The following EHD3 variants were observed in gnomAD, a reference collection of about 807,000 sequenced individuals.
The protein encoded by EHD3 is EH domain containing 3.
In EHD3, 17 loss-of-function variants were observed where a neutral mutation model predicts 43.0. The ratio of observed to expected loss-of-function variants is 0.40; its 90% CI spans 0.27 to 0.59. EHD3 has a LOEUF of 0.59. Among genes scored for constraint, EHD3 ranks in the 20% least tolerant of loss-of-function variants. EHD3 has a pLI of 0.49. For missense variants in EHD3, 594 were observed against 705.6 expected, an observed-to-expected ratio of 0.84 and a Z score of 1.79; for synonymous variants, 313 against 289.5, an observed-to-expected ratio of 1.08 and a Z score of -0.82.
rs373883257 is a variant in EHD3 at position 31,266,367 on chromosome 2, A to G, written c.1271A>G (p.His424Arg). The change falls in exon 6 of 6, where the codon CAT (histidine) becomes CGT (arginine). Residue 424 changes from histidine (H) to arginine (R), a missense_variant. Transcript: ENST00000322054. The surrounding 1 kb of genome is among the most constrained non-coding windows in gnomAD (Gnocchi z 5.1). ...FEGTLHGPFGHGYGEGAGEGI... is the reference protein window; with the variant it reads ...FEGTLHGPFGRGYGEGAGEGI... ...GGCACCCTGCACGGCCCCTTTGGGC[A>G]TGGCTATGGGGAGGGGGCTGGAGAA... 6.2e-7 allele frequency: 1 copy of G among 1,614,104 alleles called. No homozygotes were observed. The highest frequency in any genetic ancestry group is 1.1e-5 in the South Asian group (1 of 91,082).
intron 3 of EHD3, among the ~76,000 whole-genome samples, chr2:31,253,687 T>A (rs1276484696): frequency 6.6e-6 from 1 of 151,876 alleles, no homozygotes; most frequent in African/African-American, 2.4e-5. Context: ...CGGCAAAGGG[T>A]CGTCCTTGCT....
At chr2:31,252,337 A>G (rs375447202) in intron 3 of EHD3, among the ~76,000 whole-genome samples, 1 of 152,336 alleles carries the variant, frequency 6.6e-6, no homozygotes, top group South Asian at 2.1e-4. Flanking sequence ...ATCTGTGTGA[A>G]TAGTTTCCCT....
chr2:31,249,586 T>A (rs1159691263), intron 3 of EHD3, 118 bp downstream of exon 3: 2 of 877,610 alleles, frequency 2.3e-6, no homozygotes, highest in Admixed American at 4.4e-5. Flanking sequence ...AGCCGGCACT[T>A]CTCCTGTGCT....
rs1683285924 is a variant in EHD3, at chr2:31,234,542, C to T, written c.-80C>T. 2.0e-6 allele frequency: 3 copies of T among 1,508,800 alleles called. No individual in the cohort carries two copies. In the Admixed American group the frequency reaches 5.3e-5, roughly 27 times the overall value. The allele number at this position is 1,508,800 out of a possible 1,614,324, so 93.5% of individuals were successfully genotyped here. A position where few individuals can be genotyped will look rare whatever the true frequency, so the allele number is the denominator to read the frequency against. On this transcript the variant is annotated 5_prime_UTR_variant, in exon 1 of 6. Coordinates refer to ENST00000322054, the MANE Select transcript of EHD3 (RefSeq NM_014600.3). The stretch of plus-strand genomic sequence containing the variant: ...GGCGGCGGCGCGGCTCGGAGCCCGG[C>T]GGACCGGTCCTACGGGACATCTTCC...
intron 1 of EHD3, among the ~76,000 whole-genome samples, chr2:31,243,875 C>T (rs534432616): frequency 5.3e-5 from 8 of 152,270 alleles, no homozygotes; most frequent in African/African-American, 1.9e-4. Flanking sequence ...GCAGAGTCTA[C>T]GGAAGGTTTA....
At chr2:31,249,743 T>C (rs951977914) in intron 3 of EHD3, among the ~76,000 whole-genome samples, 6 of 152,122 alleles carry the variant, frequency 3.9e-5, no homozygotes, top group Non-Finnish European at 2.9e-5. Context: ...TCTTACCTCG[T>C]TGGGTTTATT....
chr2:31,257,759 G>A (rs1216055576), intron 3 of EHD3, among the ~76,000 whole-genome samples: 2 of 152,182 alleles, frequency 1.3e-5, no homozygotes, highest in African/African-American at 2.4e-5. Flanking sequence ...GAACATCTCC[G>A]AGGGAGGGTT....
At chr2:31,243,922 T>G (rs945545758) in intron 1 of EHD3, among the ~76,000 whole-genome samples, 4 of 152,178 alleles carry the variant, frequency 2.6e-5, no homozygotes, top group African/African-American at 7.2e-5. Flanking sequence ...CTTCAGCAGG[T>G]TACCTTCAGT....
At chr2:31,239,863 A>C (rs1683386471) in intron 1 of EHD3, among the ~76,000 whole-genome samples, 1 of 151,594 alleles carries the variant, frequency 6.6e-6, no homozygotes, top group Non-Finnish European at 1.5e-5. Flanking sequence ...CAGGAGACTT[A>C]GAGGCAGGCT....
rs1310045883 is a variant in EHD3, at chr2:31,243,448, C to CTTTT, written c.228-823_228-822insTTTT. On this transcript the variant is annotated intron_variant, in intron 1 of 5. Transcript: ENST00000322054. ...TCTTTCTTTCTTTCTTTCTTTCTTTCTTTCTTTCTTTCTTTTTTTTTTTTT... is the reference window on the plus strand; with the variant it reads ...TCTTTCTTTCTTTCTTTCTTTCTTTCTTTTTTTCTTTCTTTCTTTTTTTTTTTTT... Among the ~76,000 whole-genome samples the CTTTT allele has an allele frequency of 4.8e-4, 32 of 67,006 alleles. 5 individuals are homozygous for CTTTT. The highest frequency in any genetic ancestry group is 3.2e-3 in the South Asian group (4 of 1,248). The allele number at this position is 67,006 out of a possible 152,430, so 44.0% of individuals were successfully genotyped here.
At position 31,266,226 on chromosome 2, in the gene EHD3, A is replaced by G; in HGVS notation, c.1130A>G (p.Lys377Arg). The change falls in exon 6 of 6, where the codon AAG (lysine) becomes AGG (arginine). Residue 377 changes from lysine to arginine, a missense_variant. Around this residue, in one of 3 missense-constraint regions of EHD3, gnomAD observed 322 missense variants for 348.0 expected, o/e 0.93. Coordinates refer to ENST00000322054, the MANE Select transcript of EHD3 (RefSeq NM_014600.3). The surrounding 1 kb of genome is among the most constrained non-coding windows in gnomAD (Gnocchi z 5.1). ...DFSKFQPLKS[K>R]LLEVVDDMLA... ...AGCAAGTTCCAGCCGCTGAAGAGCA[A>G]GCTGCTGGAGGTAGTGGACGACATG... The G allele has an allele frequency of 6.2e-7, 1 of 1,613,802 alleles. No homozygotes were observed. The highest frequency in any genetic ancestry group is 8.5e-7 in the Non-Finnish European group (1 of 1,179,734).
chr2:31,245,938 T>C (rs184880904), intron 2 of EHD3, among the ~76,000 whole-genome samples: 5 of 152,056 alleles, frequency 3.3e-5, no homozygotes, highest in Admixed American at 1.3e-4. Context: ...TGTAGTGGCA[T>C]GGAGTCAATA....
rs1340030373 is a variant in EHD3, at chr2:31,260,632, A to G, written c.625A>G (p.Asn209Asp). The G allele has an allele frequency of 8.7e-6, 14 of 1,614,218 alleles. No homozygotes were observed. Among genetic ancestry groups the G allele is most frequent in the Non-Finnish European group, 1.2e-5 (14 of 1,180,044 alleles). ...CTCAGAAGTCATCAAAGCCCTCAAGAACCACGAGGACAAGATGCGAGTGGT... is the reference window on the plus strand; with the variant it reads ...CTCAGAAGTCATCAAAGCCCTCAAGGACCACGAGGACAAGATGCGAGTGGT... Reference protein sequence around the residue: ...EFSEVIKALKNHEDKMRVVLN... With the variant: ...EFSEVIKALKDHEDKMRVVLN... The change falls in exon 4 of 6, where the codon AAC becomes GAC. Residue 209 changes from asparagine (N) to aspartate (D), a missense_variant. Asn to Asp is a conservative substitution (Grantham distance 23). Around this residue, in one of 3 missense-constraint regions of EHD3, gnomAD observed 243 missense variants for 296.7 expected, o/e 0.82. Coordinates refer to ENST00000322054, the MANE Select transcript of EHD3 (RefSeq NM_014600.3). This position sits in a 1 kb window ranked among gnomAD's most constrained non-coding sequence, Gnocchi z 4.6.
intron 5 of EHD3, among the ~76,000 whole-genome samples, chr2:31,264,155 C>T (rs367894755): frequency 6.6e-6 from 1 of 152,174 alleles, no homozygotes; most frequent in Admixed American, 6.5e-5. Flanking sequence ...GTAGGGCCTA[C>T]CACACACCTG....
chr2:31,250,729 T>C (rs1301187130), intron 3 of EHD3, among the ~76,000 whole-genome samples: 2 of 151,856 alleles, frequency 1.3e-5, no homozygotes, highest in African/African-American at 2.4e-5. Context: ...GGCAAGAAAA[T>C]CAGATGACGC....
intron 2 of EHD3, among the ~76,000 whole-genome samples, chr2:31,244,918 T>C (rs571237296): frequency 2.0e-5 from 3 of 152,316 alleles, no homozygotes; most frequent in Admixed American, 1.3e-4. Context: ...TTCTACTAAA[T>C]TGAATGACCT....
At chr2:31,253,620 G>A (rs1362647015) in intron 3 of EHD3, among the ~76,000 whole-genome samples, 1 of 152,164 alleles carries the variant, frequency 6.6e-6, no homozygotes, top group African/African-American at 2.4e-5. Context: ...GCTTCCCAGG[G>A]CTCCAAGACC....
intron 2 of EHD3, 118 bp downstream of exon 2, chr2:31,244,568 C>T: frequency 9.2e-7 from 1 of 1,089,582 alleles, no homozygotes; most frequent in Admixed American, 2.6e-5. Context: ...TCCTGTCAAT[C>T]TTTCCATACC....
chr2:31,242,162 C>T lies in EHD3; in HGVS notation c.228-2112C>T, dbSNP rs56750105. ...TGCAGAGTAAATTCACAGCTCAGAACGCTGCTCAAAGGCACAAATGGGATG... is the reference window on the plus strand; with the variant it reads ...TGCAGAGTAAATTCACAGCTCAGAATGCTGCTCAAAGGCACAAATGGGATG... On this transcript the variant is annotated intron_variant, in intron 1 of 5. Transcript: ENST00000322054. Among the ~76,000 whole-genome samples the T allele has an allele frequency of 7.3e-3, 1,106 of 152,352 alleles. 16 individuals are homozygous for T. Among genetic ancestry groups the T allele is most frequent in the African/African-American group, 0.023 (974 of 41,586 alleles).
Sources: gnomAD v4.1 joint callset for allele counts (sites outside exome capture counted in the v4.1 genomes callset) on GRCh38, gnomAD v4.1.1 for gene constraint, gnomAD v4.1.1 regional missense constraint, Gnocchi (gnomAD v3.1) non-coding constraint, MANE v1.5 for transcripts, NCBI Gene and HGNC (gene_info 2026-07-23, HGNC 2026-07-21) for gene names.